ADAM9: variants seen among roughly 807,000 people sequenced by gnomAD.
The protein encoded by ADAM9 is disintegrin and metalloproteinase domain-containing protein 9.
A neutral mutation model predicts 108.1 loss-of-function variants in ADAM9; 54 were observed. The ratio of observed to expected loss-of-function variants is 0.50; its 90% CI spans 0.40 to 0.63. The LOEUF is 0.63. Ranked by LOEUF, ADAM9 falls within the 20% of genes least tolerant of loss-of-function variation. The probability of loss-of-function intolerance (pLI) is 0.00; values close to 1 mark genes in which losing one functional copy is unlikely to be tolerated. For synonymous variants in ADAM9, 316 were observed against 336.0 expected (o/e 0.94, Z 0.65); for missense variants, 830 against 997.7 (o/e 0.83, Z 2.26).
chr8:39,099,134 A>G (rs554616300), intron 20 of ADAM9, among the ~76,000 whole-genome samples: 1 of 152,138 alleles, frequency 6.6e-6, no homozygotes, highest in South Asian at 2.1e-4. Flanking sequence ...TTTTCTAGTT[A>G]ACCCATGGGG....
At chr8:39,014,345 G>C (rs1427408826) in intron 4 of ADAM9, 2 of 538,550 alleles carry the variant, frequency 3.7e-6, no homozygotes, top group Non-Finnish European at 6.5e-6. Context: ...AGGAGTTTCT[G>C]ATTTTTTTGT....
chr8:39,074,764 CT>C (rs1300652297), intron 15 of ADAM9, among the ~76,000 whole-genome samples: 2 of 151,754 alleles, frequency 1.3e-5, no homozygotes, highest in Non-Finnish European at 1.5e-5. Context: ...GATTTTTTTT[CT>C]TTTCAGTGAC....
intron 1 of ADAM9, among the ~76,000 whole-genome samples, chr8:39,003,625 G>A (rs1472249551): frequency 6.6e-6 from 1 of 152,094 alleles, no homozygotes; most frequent in South Asian, 2.1e-4. Flanking sequence ...CATACAATTA[G>A]TATGTATTAT....
intron 1 of ADAM9, among the ~76,000 whole-genome samples, chr8:38,997,798 T>TA (rs961442947): frequency 3.3e-5 from 5 of 152,346 alleles, no homozygotes; most frequent in Admixed American, 1.3e-4. Flanking sequence ...AAACCATTCT[T>TA]AAAAAATCTG....
chr8:39,083,014 C>G lies in ADAM9; in HGVS notation c.2009C>G (p.Pro670Arg). The change falls in exon 18 of 22, where the codon CCC becomes CGC. Residue 670 changes from proline to arginine, a missense_variant. Pro to Arg is a moderately radical substitution (Grantham distance 103). Transcript: ENST00000487273. The part of the protein sequence containing the change: ...KNCHCENGWA[P>R]PNCETKGYGG... ...TGTCACTGTGAAAATGGCTGGGCTCCCCCAAATTGTGAGACTAAAGGATAC... is the reference window on the plus strand; with the variant it reads ...TGTCACTGTGAAAATGGCTGGGCTCGCCCAAATTGTGAGACTAAAGGATAC... 1 of 1,613,868 alleles carries G rather than the reference C, an allele frequency of 6.2e-7. No homozygotes were observed.
chr8:39,102,287 T>A (rs1436602731), intron 21 of ADAM9, among the ~76,000 whole-genome samples: 1 of 152,094 alleles, frequency 6.6e-6, no homozygotes, highest in Non-Finnish European at 1.5e-5. Flanking sequence ...TAAGAAAATA[T>A]GTGTTTGAAG....
chr8:39,038,686 A>G (rs1318816907), intron 11 of ADAM9, among the ~76,000 whole-genome samples: 1 of 152,184 alleles, frequency 6.6e-6, no homozygotes, highest in Non-Finnish European at 1.5e-5. Flanking sequence ...TACATAATAG[A>G]TATTCAGTAA....
intron 1 of ADAM9, among the ~76,000 whole-genome samples, chr8:39,001,501 T>G (rs901322230): frequency 6.6e-6 from 1 of 152,212 alleles, no homozygotes; most frequent in Non-Finnish European, 1.5e-5. Context: ...TCTAGGGCAT[T>G]AAATCTTAGA....
At chr8:39,035,666 C>A (rs1588361844) in intron 11 of ADAM9, among the ~76,000 whole-genome samples, 2 of 151,886 alleles carry the variant, frequency 1.3e-5, no homozygotes, top group East Asian at 3.9e-4. Context: ...AAATACAAAA[C>A]ATTAGCCGGG....
intron 1 of ADAM9, among the ~76,000 whole-genome samples, chr8:39,004,813 G>T (rs1836110327): frequency 6.6e-6 from 1 of 152,198 alleles, no homozygotes; most frequent in Non-Finnish European, 1.5e-5. Flanking sequence ...GTGTCTTTTA[G>T]CATGCTAATG....
In ADAM9 at chr8:39,061,056, C is replaced by T. The variant is rs1838283209; in HGVS notation, c.1591+5284C>T. Among the ~76,000 whole-genome samples the T allele has an allele frequency of 2.0e-5, 3 of 152,260 alleles. No individual in the cohort carries two copies. In the South Asian group the frequency reaches 6.2e-4, roughly 31 times the overall value. On this transcript the variant is annotated intron_variant, in intron 14 of 21. Transcript: ENST00000487273. ...CTATCATTCTCCAAGATCTGTCTGT[C>T]TTCTGCACAGGGCAAATAGGTGAAT...
intron 11 of ADAM9, among the ~76,000 whole-genome samples, chr8:39,037,013 A>G (rs1837297193): frequency 2.0e-5 from 3 of 149,596 alleles, no homozygotes; most frequent in African/African-American, 7.4e-5. Flanking sequence ...GAAATTAGGG[A>G]CTAAAATATA....
At chr8:39,032,084 G>A (rs1323787011) in intron 11 of ADAM9, among the ~76,000 whole-genome samples, 1 of 152,196 alleles carries the variant, frequency 6.6e-6, no homozygotes, top group Non-Finnish European at 1.5e-5. Context: ...GGTGTCATTG[G>A]CCCCTACTGG....
chr8:39,082,094 A>G (rs1434558459), intron 16 of ADAM9, among the ~76,000 whole-genome samples: 2 of 152,186 alleles, frequency 1.3e-5, no homozygotes, highest in Admixed American at 1.3e-4. Context: ...CTTATTTTCA[A>G]CAGTGCTTTT....
At chr8:39,080,731 T>C (rs946539651) in intron 16 of ADAM9, among the ~76,000 whole-genome samples, 33 of 151,924 alleles carry the variant, frequency 2.2e-4, no homozygotes, top group African/African-American at 8.0e-4. Flanking sequence ...AAACGTGGGG[T>C]AGGGGGAAAA....
At chr8:39,082,445 ATAAT>A (rs1399322987) in intron 16 of ADAM9, among the ~76,000 whole-genome samples, 192 bp from the exon 17 acceptor site, 9 of 152,164 alleles carry the variant, frequency 5.9e-5, no homozygotes, top group South Asian at 2.1e-4. Flanking sequence ...GTGTTTTTTG[ATAAT>A]TAATTTTGTA....
chr8:39,085,641 A>C (rs777890513), intron 18 of ADAM9, among the ~76,000 whole-genome samples: 3 of 152,160 alleles, frequency 2.0e-5, no homozygotes, highest in Non-Finnish European at 4.4e-5. Context: ...ACTTCTAAGG[A>C]TATTCCTTGT....
chr8:39,081,848 A>C (rs1000245064), intron 16 of ADAM9, among the ~76,000 whole-genome samples: 1 of 152,210 alleles, frequency 6.6e-6, no homozygotes, highest in Non-Finnish European at 1.5e-5. Context: ...TTAAAATAGC[A>C]CTCAACAGTC....
At chr8:39,098,508 T>C (rs868620516) in intron 20 of ADAM9, among the ~76,000 whole-genome samples, 6 of 152,350 alleles carry the variant, frequency 3.9e-5, no homozygotes, top group Admixed American at 1.3e-4. Context: ...ACTAAGTCTC[T>C]ACTAAACTAT....
Sources: allele counts gnomAD v4.1 joint callset (sites outside exome capture counted in the v4.1 genomes callset), GRCh38; gene constraint gnomAD v4.1.1; transcripts MANE v1.5; gene names NCBI Gene and HGNC (gene_info 2026-07-23, HGNC 2026-07-21).